BDP1: variants seen among roughly 807,000 people sequenced by gnomAD.
BDP1 encodes the protein transcription factor TFIIIB component B'' homolog.
In BDP1, 169 loss-of-function variants were observed where a neutral mutation model predicts 266.6. The ratio of observed to expected loss-of-function variants is 0.63; its 90% confidence interval spans 0.56 to 0.72. The LOEUF (loss-of-function observed/expected upper bound fraction) is 0.72. BDP1 is among the 30% of genes least tolerant of loss of function. The probability of loss-of-function intolerance (pLI) is 0.00; values close to 1 mark genes in which losing one functional copy is unlikely to be tolerated. For missense variants in BDP1, 3,015 were observed against 3,053.8 expected, an observed-to-expected ratio of 0.99 and a Z score of 0.30; for synonymous variants, 1,090 against 1,022.4, an observed-to-expected ratio of 1.07 and a Z score of -1.26.
At chr5:71,477,388 ATCC>A (rs1561684335) in intron 7 of BDP1, among the ~76,000 whole-genome samples, 2 of 151,954 alleles carry the variant, frequency 1.3e-5, no homozygotes, top group South Asian at 2.1e-4. Flanking sequence ...GGCTCAAGCA[ATCC>A]TCCTGCTTCA....
Position 71,514,957 on chromosome 5 carries a change from T to C in BDP1, c.4484T>C (p.Leu1495Pro). ...TCTGTCTTCTAGGATGAAGCTTCCC[T>C]AATGATATCAAGAGAAAAAGACACA... is the stretch of plus-strand genomic sequence containing the variant. ...TLPSQHDEASLMISREKDTLG... is the reference protein window; with the variant it reads ...TLPSQHDEASPMISREKDTLG... The change falls in exon 20 of 39, where the codon CTA becomes CCA. Residue 1495 changes from leucine (L) to proline (P), a missense_variant. Physicochemically the swap from Leu to Pro is moderately conservative, Grantham distance 98. Coordinates refer to ENST00000358731, the MANE Select transcript of BDP1 (RefSeq NM_018429.3). The C allele has an allele frequency of 6.2e-7, 1 of 1,604,694 alleles. No homozygotes were observed. The highest frequency in any genetic ancestry group is 1.1e-5 in the South Asian group (1 of 88,394).
In BDP1 at chr5:71,563,723, G is replaced by A. The variant is rs533108466; in HGVS notation, c.7744-1031G>A. Among the ~76,000 whole-genome samples the A allele has an allele frequency of 4.7e-4, 72 of 152,274 alleles. 1 individual carries two copies. The highest frequency in any genetic ancestry group is 1.7e-3 in the African/African-American group (69 of 41,560). ...AGGTGAGGAGTTTGAGACCAGCCTGGCCAACATGGCAAAACCCCATCTCTA... is the reference window on the plus strand; with the variant it reads ...AGGTGAGGAGTTTGAGACCAGCCTGACCAACATGGCAAAACCCCATCTCTA... On this transcript the variant is annotated intron_variant, in intron 38 of 38. Coordinates refer to ENST00000358731, the MANE Select transcript of BDP1 (RefSeq NM_018429.3).
In BDP1 at chr5:71,566,635, G is replaced by A. The variant is rs1744050761; in HGVS notation, c.*1750G>A. 1 of 152,186 alleles carries A rather than the reference G, an allele frequency of 6.6e-6. No individual in the cohort carries two copies. Among genetic ancestry groups the A allele is most frequent in the Non-Finnish European group, 1.5e-5 (1 of 68,036 alleles). The allele number at this position is 152,186 out of a possible 1,614,324, so 9.4% of individuals were successfully genotyped here. Reference sequence around the variant, plus strand: ...AGCTACTCAGCTCTGCAATTTCAGTGTGAAAGAAGCCATAGACAGTACTTG... The same window carrying A: ...AGCTACTCAGCTCTGCAATTTCAGTATGAAAGAAGCCATAGACAGTACTTG... On this transcript the variant is annotated 3_prime_UTR_variant, in exon 39 of 39. Transcript: ENST00000358731.
intron 16 of BDP1, among the ~76,000 whole-genome samples, chr5:71,507,145 AC>A (rs1306538416): frequency 6.6e-6 from 1 of 151,944 alleles, no homozygotes; most frequent in Admixed American, 6.6e-5. Context: ...AGATTCTTAA[AC>A]TCCGTGTTTT....
intron 10 of BDP1, among the ~76,000 whole-genome samples, chr5:71,490,521 CAG>C (rs988210304): frequency 1.1e-4 from 16 of 152,198 alleles, no homozygotes; most frequent in South Asian, 6.2e-4. Context: ...TCTCTGAACT[CAG>C]GGGGTTCTCT....
rs116358847 is a variant in BDP1, at chr5:71,488,370, G to T, written c.1214-1034G>T. 3.5e-3 allele frequency among the ~76,000 whole-genome samples: 524 copies of T among 150,416 alleles called. 3 individuals are homozygous for T. Among genetic ancestry groups the T allele is most frequent in the African/African-American group, 0.012 (494 of 40,896 alleles). On this transcript the variant is annotated intron_variant, in intron 9 of 38. Transcript: ENST00000358731. ...CTTAAACCCCTGACCTCAAATGATC[G>T]CCCACCTTGGCCTCCCAAAGTACTG... is the stretch of plus-strand genomic sequence containing the variant.
intron 8 of BDP1, 55 bp downstream of exon 8, chr5:71,483,951 C>G: frequency 7.3e-7 from 1 of 1,364,300 alleles, no homozygotes; most frequent in Non-Finnish European, 1.0e-6. Flanking sequence ...AAAAAATGAC[C>G]AGTCTTTTGT....
At chr5:71,491,323 C>G (rs1295057666) in intron 11 of BDP1, among the ~76,000 whole-genome samples, 192 bp downstream of exon 11, 1 of 151,890 alleles carries the variant, frequency 6.6e-6, no homozygotes, top group Non-Finnish European at 1.5e-5. Flanking sequence ...GTGAAATTCC[C>G]TTTATCATTA....
chr5:71,502,504 T>G (rs1408264507), intron 14 of BDP1, 95 bp from the exon 15 acceptor site: 3 of 1,127,988 alleles, frequency 2.7e-6, no homozygotes, highest in Admixed American at 2.8e-5. Flanking sequence ...ACTTGTGAAT[T>G]ATTTCATATT....
chr5:71,541,401 T>G, intron 28 of BDP1, 53 bp from the exon 29 acceptor site: 1 of 704,814 alleles, frequency 1.4e-6, no homozygotes, highest in Non-Finnish European at 2.2e-6. Context: ...GAATTTATTT[T>G]GAGCATCTAT....
At chr5:71,525,515 A>G (rs545397128) in intron 25 of BDP1, among the ~76,000 whole-genome samples, 1 of 118,372 alleles carries the variant, frequency 8.4e-6, no homozygotes, top group South Asian at 3.2e-4. Flanking sequence ...TCCCTCCCGG[A>G]CGGGGCGGCT....
intron 10 of BDP1, 67 bp downstream of exon 10, chr5:71,489,749 G>T: frequency 7.2e-7 from 1 of 1,394,806 alleles, no homozygotes; most frequent in South Asian, 1.4e-5. Flanking sequence ...AATATGGTAT[G>T]TAACTTAATT....
downstream of BDP1, among the ~76,000 whole-genome samples, chr5:71,571,368 T>A (rs1580247703): frequency 6.6e-6 from 1 of 152,130 alleles, no homozygotes; most frequent in African/African-American, 2.4e-5. Context: ...GGTTTTGAAT[T>A]CCTGAGCTCA....
intron 4 of BDP1, 44 bp downstream of exon 4, chr5:71,464,161 A>G (rs1761751253): frequency 8.4e-7 from 1 of 1,192,512 alleles, no homozygotes; most frequent in Non-Finnish European, 1.2e-6. Flanking sequence ...TACATTTTTT[A>G]AGAAATGAGA....
At chr5:71,563,475 G>T (rs1166301212) in intron 38 of BDP1, among the ~76,000 whole-genome samples, 1 of 152,038 alleles carries the variant, frequency 6.6e-6, no homozygotes, top group Non-Finnish European at 1.5e-5. Context: ...AAGGCCCTTT[G>T]TGATAAAGAT....
rs1319135679 is a variant in BDP1 at position 71,504,646 on chromosome 5, C to T, written c.2267C>T (p.Ser756Leu). 6.8e-6 allele frequency: 11 copies of T among 1,612,998 alleles called. No individual in the cohort carries two copies. The highest frequency in any genetic ancestry group is 1.6e-4 in the Middle Eastern group (1 of 6,076). Reference sequence around the variant, plus strand: ...ACTCCTCAACACATGGAAGATCAATCGCGTAAAGATTTTGAAGAGGAAGAT... The same window carrying T: ...ACTCCTCAACACATGGAAGATCAATTGCGTAAAGATTTTGAAGAGGAAGAT... ...RDTPQHMEDQSRKDFEEEDVI... is the reference protein window; with the variant it reads ...RDTPQHMEDQLRKDFEEEDVI... Residue 756 changes from serine (S) to leucine (L), a missense_variant, in exon 16 of 39, where the codon TCG (serine) becomes TTG (leucine). By Grantham distance (145) the Ser-to-Leu change is moderately radical. Transcript: ENST00000358731.
rs1243306460 is a variant in BDP1 at position 71,512,306 on chromosome 5, A to G, written c.4125A>G (p.Lys1375=). The part of the protein sequence containing the change: ...TPVEEKRNSE[K]EVSSHFSHFK... ...TAGAAGAAAAAAGAAATTCTGAAAA[A>G]GAAGTATCAAGTCACTTCAGTCATT... The change falls in exon 18 of 39, where the codon AAA becomes AAG. Residue 1375 remains lysine, a synonymous_variant. Coordinates refer to ENST00000358731, the MANE Select transcript of BDP1 (RefSeq NM_018429.3). 1 of 1,596,628 alleles carries G rather than the reference A, an allele frequency of 6.3e-7. No individual in the cohort carries two copies. Among genetic ancestry groups the G allele is most frequent in the Non-Finnish European group, 8.5e-7 (1 of 1,174,914 alleles).
chr5:71,500,220 A>T (rs1333434838), intron 13 of BDP1, among the ~76,000 whole-genome samples: 2 of 151,972 alleles, frequency 1.3e-5, no homozygotes, highest in Non-Finnish European at 2.9e-5. Flanking sequence ...AATTGTAGAA[A>T]ATTTGGAAAA....
At chr5:71,513,063 CAAAA>C (rs34252624) in intron 18 of BDP1, 118 bp from the exon 19 acceptor site, 18,904 of 401,828 alleles carry the variant, frequency 0.047, no homozygotes, top group South Asian at 0.07. Flanking sequence ...ACCCTGTCTC[CAAAA>C]AAAAAAAAAA....
Sources: allele counts gnomAD v4.1 joint callset (sites outside exome capture counted in the v4.1 genomes callset), GRCh38; gene constraint gnomAD v4.1.1; transcripts MANE v1.5; gene names NCBI Gene and HGNC (gene_info 2026-07-23, HGNC 2026-07-21).